AFF2: variants seen among roughly 807,000 people sequenced by gnomAD.
AFF2 encodes AF4/FMR2 family member 2.
Under a neutral mutation model 76.9 loss-of-function variants are expected in AFF2, and 14 were observed. That is an observed-to-expected ratio of 0.18 (90% CI 0.12 to 0.28). The LOEUF (loss-of-function observed/expected upper bound fraction) is 0.28, where lower values mean the gene tolerates loss of function less well. AFF2 is among the 10% of genes least tolerant of loss of function. The pLI, the probability that AFF2 is intolerant of heterozygous loss-of-function variation, is 1.00. For synonymous variants in AFF2, 398 were observed against 366.7 expected (o/e 1.09, Z -0.98); for missense variants, 868 against 1,001.1 (o/e 0.87, Z 1.79).
intron 7 of AFF2, among the ~76,000 whole-genome samples, chrX:148,867,123 G>A (rs2070916485): frequency 1.8e-5 from 2 of 112,327 alleles, no homozygotes; most frequent in Non-Finnish European, 3.8e-5. Flanking sequence ...GTGGGATGGT[G>A]GGCTTGGCTG....
chrX:148,659,176 A>G (rs2054281632), intron 2 of AFF2, among the ~76,000 whole-genome samples: 1 of 112,286 alleles, frequency 8.9e-6, no homozygotes, highest in African/African-American at 3.2e-5. Flanking sequence ...TTTCAAGTAT[A>G]TTTTTAAAAC....
At chrX:148,583,566 T>C (rs2053435951) in intron 1 of AFF2, among the ~76,000 whole-genome samples, 1 of 111,333 alleles carries the variant, frequency 9.0e-6, no homozygotes, top group East Asian at 2.8e-4. Context: ...AGTTAGAAAA[T>C]CCATGTGTAT....
chrX:148,827,635 C>A (rs188400426), intron 4 of AFF2, among the ~76,000 whole-genome samples: 1 of 111,893 alleles, frequency 8.9e-6, no homozygotes, highest in East Asian at 2.8e-4. Context: ...ACAAATTGTG[C>A]ATTATTCTCT....
At position 148,962,769 on chromosome X, in the gene AFF2, T is replaced by C. The variant is rs1557288200; in HGVS notation, c.2745T>C (p.Pro915=). 8.3e-7 allele frequency: 1 copy of C among 1,209,243 alleles called. No individual in the cohort carries two copies. Among genetic ancestry groups the C allele is most frequent in the East Asian group, 3.0e-5 (1 of 33,758 alleles). The part of the protein sequence containing the change: ...NRRKEEKLFP[P]PLSPLPEDPP... ...GAAAGGAAGAAAAACTATTTCCTCC[T>C]CCACTTTCCCCACTGCCAGAGGACC... Residue 915 remains proline, a synonymous_variant, in exon 13 of 21, where the codon CCT becomes CCC. Transcript: ENST00000370460.
At chrX:148,741,699 G>T (rs892728655) in intron 3 of AFF2, among the ~76,000 whole-genome samples, 1 of 111,134 alleles carries the variant, frequency 9.0e-6, no homozygotes, top group Non-Finnish European at 1.9e-5. Flanking sequence ...TCCAGCTAAA[G>T]AATTCCTTCT....
intron 1 of AFF2, among the ~76,000 whole-genome samples, chrX:148,577,240 A>G (rs782424946): frequency 9.0e-6 from 1 of 111,430 alleles, no homozygotes; most frequent in Non-Finnish European, 1.9e-5. Context: ...ATTTGTCTCA[A>G]AAAGTGTCTC....
chrX:148,644,316 A>G (rs1396826245), intron 1 of AFF2, among the ~76,000 whole-genome samples: 1 of 111,396 alleles, frequency 9.0e-6, no homozygotes, highest in Non-Finnish European at 1.9e-5. Context: ...TTTATGACCA[A>G]GAGGGTGGCC....
chrX:148,747,148 T>C (rs1557266132), intron 3 of AFF2, among the ~76,000 whole-genome samples: 1 of 111,863 alleles, frequency 8.9e-6, no homozygotes, highest in African/African-American at 3.3e-5. Flanking sequence ...AGACTCCTCA[T>C]GAACTCCTAT....
intron 9 of AFF2, among the ~76,000 whole-genome samples, chrX:148,935,379 C>T (rs2071762095): frequency 1.2e-5 from 1 of 84,894 alleles, no homozygotes; most frequent in Non-Finnish European, 2.3e-5. Flanking sequence ...TAAGCTTAAA[C>T]TTGTGTCATT....
intron 3 of AFF2, among the ~76,000 whole-genome samples, chrX:148,783,515 G>A (rs1483019392): frequency 5.4e-5 from 6 of 111,676 alleles, no homozygotes; most frequent in African/African-American, 2.0e-4. Context: ...GAAAATAAGC[G>A]GAGATTGTCT....
chrX:148,870,823 C>G (rs1248840925), intron 7 of AFF2, among the ~76,000 whole-genome samples: 1 of 111,755 alleles, frequency 8.9e-6, no homozygotes, highest in Non-Finnish European at 1.9e-5. Flanking sequence ...ACTAAGGGGG[C>G]AACTGAATAT....
intron 1 of AFF2, among the ~76,000 whole-genome samples, chrX:148,523,507 A>G (rs2052622933): frequency 8.9e-6 from 1 of 111,798 alleles, no homozygotes; most frequent in Admixed American, 9.5e-5. Flanking sequence ...GTAATTTACA[A>G]CTCTGACTTC....
intron 1 of AFF2, among the ~76,000 whole-genome samples, chrX:148,546,661 T>TTA (rs2052924368): frequency 8.9e-6 from 1 of 112,421 alleles, no homozygotes; most frequent in African/African-American, 3.2e-5. Flanking sequence ...TTCAATAGTA[T>TTA]TATAAGCACA....
At chrX:148,672,802 A>T (rs1387709814) in intron 3 of AFF2, among the ~76,000 whole-genome samples, 4 of 111,809 alleles carry the variant, frequency 3.6e-5, no homozygotes, top group Admixed American at 9.5e-5. Context: ...AAAGTTTCTG[A>T]GTTTTTGTGT....
At chrX:148,806,720 G>C (rs934584762) in intron 3 of AFF2, among the ~76,000 whole-genome samples, 5 of 111,702 alleles carry the variant, frequency 4.5e-5, no homozygotes, top group Non-Finnish European at 9.4e-5. Context: ...CCCTTGTCAT[G>C]ACTACCTTAC....
In AFF2 at chrX:148,746,044, G is replaced by A. The variant is rs138112975; in HGVS notation, c.1042-63832G>A. Among the ~76,000 whole-genome samples, 502 of 111,470 alleles carry A rather than the reference G, an allele frequency of 4.5e-3. 1 individual carries two copies. The highest frequency in any genetic ancestry group is 0.015 in the African/African-American group (468 of 30,651). On this transcript the variant is annotated intron_variant, in intron 3 of 20. Transcript: ENST00000370460. ...AGTTGTGAGCCACCGCGCCCAGCCC[G>A]TAGTGCATTATTGAAAGGGAAAAAC...
intron 3 of AFF2, among the ~76,000 whole-genome samples, chrX:148,782,100 G>A (rs781974667): frequency 1.8e-5 from 2 of 111,696 alleles, no homozygotes; most frequent in East Asian, 5.7e-4. Context: ...TGGTCTCGCT[G>A]GGAGCTGCAG....
At chrX:148,761,507 G>A (rs1268229371) in intron 3 of AFF2, among the ~76,000 whole-genome samples, 2 of 78,637 alleles carry the variant, frequency 2.5e-5, no homozygotes, top group African/African-American at 9.7e-5. Flanking sequence ...CCATTATTTT[G>A]CCAATTGAAA....
Position 148,978,021 on chromosome X carries a change from C to G in AFF2, c.3476+17C>G, listed in dbSNP as rs1557290481. The G allele has an allele frequency of 8.7e-7, 1 of 1,150,149 alleles. No homozygotes were observed. Among genetic ancestry groups the G allele is most frequent in the African/African-American group, 1.8e-5 (1 of 56,045 alleles). The allele number at this position is 1,150,149 out of a possible 1,213,427, so 94.8% of individuals were successfully genotyped here. ...AGTACTATGGTGAGTCCCATGGAGG[C>G]CACAAGGAAATTGCTGAAATGTCAT... On this transcript the variant is annotated intron_variant, in intron 17 of 20. Coordinates refer to ENST00000370460, the MANE Select transcript of AFF2 (RefSeq NM_002025.4).
Sources: allele counts gnomAD v4.1 joint callset (sites outside exome capture counted in the v4.1 genomes callset), GRCh38; gene constraint gnomAD v4.1.1; transcripts MANE v1.5; gene names NCBI Gene and HGNC (gene_info 2026-07-23, HGNC 2026-07-21).